The following KCNIP1 variants were observed in gnomAD, a reference collection of about 807,000 sequenced individuals.
The protein encoded by KCNIP1 is A-type potassium channel modulatory protein KCNIP1.
Under a neutral mutation model 33.0 loss-of-function variants are expected in KCNIP1, and 18 were observed. The ratio of observed to expected loss-of-function variants is 0.55; its 90% CI spans 0.38 to 0.81. The LOEUF is 0.81. KCNIP1 is among the 30% of genes least tolerant of loss of function. The pLI, the probability that KCNIP1 is intolerant of heterozygous loss-of-function variation, is 0.00. For synonymous variants in KCNIP1, 93 were observed against 98.3 expected (o/e 0.95, Z 0.32); for missense variants, 238 against 271.6 (o/e 0.88, Z 0.87).
intron 5 of KCNIP1, among the ~76,000 whole-genome samples, chr5:170,724,592 C>T (rs1312816126): frequency 6.6e-6 from 1 of 151,886 alleles, no homozygotes; most frequent in Non-Finnish European, 1.5e-5. Flanking sequence ...AATAGAAAAC[C>T]CTAAGAGTCT....
chr5:170,419,475 A>G (rs1273221677), intron 1 of KCNIP1, among the ~76,000 whole-genome samples: 1 of 152,244 alleles, frequency 6.6e-6, no homozygotes, highest in African/African-American at 2.4e-5. Context: ...ATATAATTCT[A>G]AAATAACCAA....
intron 1 of KCNIP1, among the ~76,000 whole-genome samples, chr5:170,455,836 A>C (rs1280203563): frequency 7.9e-5 from 12 of 152,188 alleles, no homozygotes; most frequent in Non-Finnish European, 2.9e-5. Context: ...CTACATTAAA[A>C]ATGGAGAAAG....
At chr5:170,383,258 CT>C (rs1287620847) in intron 1 of KCNIP1, 1 of 335,506 alleles carries the variant, frequency 3.0e-6, no homozygotes, top group Non-Finnish European at 5.5e-6. Flanking sequence ...GGATCTGGCC[CT>C]GGGCCTGGTC....
chr5:170,687,723 C>G (rs905372944), intron 1 of KCNIP1, among the ~76,000 whole-genome samples: 1 of 152,196 alleles, frequency 6.6e-6, no homozygotes, highest in Non-Finnish European at 1.5e-5. Context: ...AAGGTTTGAA[C>G]CCCAACACTG....
intron 1 of KCNIP1, among the ~76,000 whole-genome samples, chr5:170,453,919 A>G (rs938158798): frequency 6.6e-6 from 1 of 152,218 alleles, no homozygotes; most frequent in Non-Finnish European, 1.5e-5. Context: ...GATTCTCCCC[A>G]AGTTGAGCCT....
At chr5:170,469,394 AAAAC>A (rs376320850) in intron 1 of KCNIP1, among the ~76,000 whole-genome samples, 24 of 152,222 alleles carry the variant, frequency 1.6e-4, no homozygotes, top group Non-Finnish European at 2.2e-4. Flanking sequence ...ACCCTGCCTC[AAAAC>A]AAACAAACAA....
At chr5:170,589,798 C>T (rs796668890) in intron 1 of KCNIP1, among the ~76,000 whole-genome samples, 30 of 123,474 alleles carry the variant, frequency 2.4e-4, no homozygotes, top group Middle Eastern at 4.0e-3. Context: ...ATGTGGTGTG[C>T]GGTGCGGTGC....
chr5:170,661,644 G>A (rs572870709), intron 1 of KCNIP1, among the ~76,000 whole-genome samples: 1 of 152,112 alleles, frequency 6.6e-6, no homozygotes, highest in South Asian at 2.1e-4. Flanking sequence ...AAGGAGCTGA[G>A]GCCAAAAAGA....
At chr5:170,632,946 G>T (rs1316840695) in intron 1 of KCNIP1, among the ~76,000 whole-genome samples, 1 of 151,810 alleles carries the variant, frequency 6.6e-6, no homozygotes, top group African/African-American at 2.4e-5. Flanking sequence ...GTGGGGGTGG[G>T]TTGGGGCTTG....
At chr5:170,364,679 A>G (rs987700384) in intron 1 of KCNIP1, among the ~76,000 whole-genome samples, 5 of 151,916 alleles carry the variant, frequency 3.3e-5, no homozygotes, top group African/African-American at 1.2e-4. Context: ...ATCTCCCCCA[A>G]CACATTGCCT....
chr5:170,502,662 T>C (rs892770292), upstream of KCNIP1, among the ~76,000 whole-genome samples: 11 of 152,192 alleles, frequency 7.2e-5, no homozygotes, highest in Non-Finnish European at 8.8e-5. Context: ...TGTGGGACTT[T>C]CTGGGCATGC....
intron 1 of KCNIP1, among the ~76,000 whole-genome samples, chr5:170,597,780 G>GATAAATAT (rs1758495129): frequency 1.1e-5 from 1 of 89,982 alleles, no homozygotes; most frequent in African/African-American, 5.1e-5. Context: ...TGGAGAGAGA[G>GATAAATAT]ATAAATATAT....
intron 1 of KCNIP1, among the ~76,000 whole-genome samples, chr5:170,394,459 G>C (rs115283376): frequency 1.3e-5 from 2 of 150,888 alleles, no homozygotes; most frequent in Non-Finnish European, 3.0e-5. Flanking sequence ...TGTTGTCATC[G>C]TGCTTTGGTT....
At chr5:170,573,102 A>G (rs989298751) in intron 1 of KCNIP1, among the ~76,000 whole-genome samples, 5 of 152,220 alleles carry the variant, frequency 3.3e-5, no homozygotes, top group Non-Finnish European at 5.9e-5. Flanking sequence ...TTGCTCTCCT[A>G]TGCAAGACCC....
At chr5:170,716,683 A>G (rs528486516) in intron 1 of KCNIP1, among the ~76,000 whole-genome samples, 8 of 152,338 alleles carry the variant, frequency 5.3e-5, no homozygotes, top group Admixed American at 5.2e-4. Context: ...AAGTGGGTTT[A>G]ATAGTTGATA....
intron 1 of KCNIP1, among the ~76,000 whole-genome samples, chr5:170,529,924 T>G (rs927883111): frequency 6.6e-6 from 1 of 152,226 alleles, no homozygotes; most frequent in African/African-American, 2.4e-5. Flanking sequence ...TGTTGGACTC[T>G]AGACTTTAAA....
At chr5:170,462,327 T>C (rs1349772542) in intron 1 of KCNIP1, among the ~76,000 whole-genome samples, 1 of 108,956 alleles carries the variant, frequency 9.2e-6, no homozygotes, top group Admixed American at 8.7e-5. Flanking sequence ...AGGACATGAA[T>C]AGACAATTCT....
chr5:170,450,569 G>T (rs1167832346), intron 1 of KCNIP1, among the ~76,000 whole-genome samples: 1 of 151,972 alleles, frequency 6.6e-6, no homozygotes, highest in African/African-American at 2.4e-5. Flanking sequence ...GGCTTGCAAG[G>T]CCTCCTGTGT....
intron 1 of KCNIP1, among the ~76,000 whole-genome samples, chr5:170,597,480 G>A (rs564258969): frequency 3.3e-5 from 5 of 151,796 alleles, no homozygotes; most frequent in South Asian, 4.2e-4. Context: ...ACCCACCCCC[G>A]CACACACATA....
Sources: gnomAD v4.1 joint callset for allele counts (sites outside exome capture counted in the v4.1 genomes callset) on GRCh38, gnomAD v4.1.1 for gene constraint, MANE v1.5 for transcripts, NCBI Gene and HGNC (gene_info 2026-07-23, HGNC 2026-07-21) for gene names.